The following TIAM2 variants were observed in gnomAD, a reference collection of about 807,000 sequenced individuals.
The protein encoded by TIAM2 is rho guanine nucleotide exchange factor TIAM2.
A neutral mutation model predicts 152.9 loss-of-function variants in TIAM2; 80 were observed. That is an observed-to-expected ratio of 0.52 (90% CI 0.44 to 0.63). TIAM2 has a LOEUF of 0.63. TIAM2 is among the 30% of genes least tolerant of loss of function. TIAM2 has a pLI of 0.00. For missense variants in TIAM2, 1,965 were observed against 2,120.1 expected, an observed-to-expected ratio of 0.93 and a Z score of 1.44; for synonymous variants, 804 against 838.0, an observed-to-expected ratio of 0.96 and a Z score of 0.70.
chr6:155,110,241 C>T (rs1778805167), intron 2 of TIAM2, among the ~76,000 whole-genome samples: 1 of 152,074 alleles, frequency 6.6e-6, no homozygotes, highest in Non-Finnish European at 1.5e-5. Flanking sequence ...GCATGAGCCA[C>T]CACGTCCAGC....
intron 1 of TIAM2, among the ~76,000 whole-genome samples, chr6:155,020,336 A>AT (rs1181301710): frequency 3.3e-5 from 5 of 152,144 alleles, no homozygotes; most frequent in African/African-American, 1.2e-4. Context: ...CTTCTGAAAG[A>AT]TTTTTTTCCC....
rs2115124194 is a variant in TIAM2, at chr6:155,174,457, G to C, written c.2362-2359G>C. 6.6e-6 allele frequency among the ~76,000 whole-genome samples: 1 copy of C among 151,816 alleles called. No homozygotes were observed. The highest frequency in any genetic ancestry group is 1.9e-4 in the East Asian group (1 of 5,138). The stretch of plus-strand genomic sequence containing the variant: ...ACGATCTTGGCTCACTGCAACCTCT[G>C]CCTCCCAGGTTCAAGCTGTTCTCCT... On this transcript the variant is annotated intron_variant, in intron 9 of 26. Transcript: ENST00000682666. This position sits in a 1 kb window ranked among gnomAD's most constrained non-coding sequence, Gnocchi z 4.2.
At chr6:155,227,564 G>A (rs377723234) in intron 15 of TIAM2, among the ~76,000 whole-genome samples, 24 of 152,296 alleles carry the variant, frequency 1.6e-4, no homozygotes, top group East Asian at 1.3e-3. Flanking sequence ...ATGGCACTGC[G>A]TGTAGAAGAA....
intron 2 of TIAM2, among the ~76,000 whole-genome samples, chr6:155,110,847 T>G (rs73794460): frequency 0.049 from 7,404 of 152,298 alleles, 601 homozygotes; most frequent in African/African-American, 0.17. Flanking sequence ...ACAGATAATG[T>G]CAGGATGAAG....
intron 13 of TIAM2, 77 bp from the exon 14 acceptor site, chr6:155,183,160 G>C (rs1583235231): frequency 2.0e-6 from 3 of 1,537,884 alleles, no homozygotes; most frequent in Non-Finnish European, 2.6e-6. Flanking sequence ...GTTTGAGTTT[G>C]CAGCCTTCTT....
At chr6:155,167,985 C>T (rs535325981) in intron 9 of TIAM2, among the ~76,000 whole-genome samples, 42 of 152,226 alleles carry the variant, frequency 2.8e-4, no homozygotes, top group Admixed American at 8.5e-4. Flanking sequence ...GTAATTTGTT[C>T]TCAACATAGA....
At chr6:155,229,436 A>G (rs886464944) in intron 15 of TIAM2, among the ~76,000 whole-genome samples, 12 of 152,330 alleles carry the variant, frequency 7.9e-5, no homozygotes, top group African/African-American at 2.9e-4. Context: ...GTATTTTTAC[A>G]CTGAATGCTC....
At chr6:155,012,796 C>A (rs1778511299) in intron 1 of TIAM2, among the ~76,000 whole-genome samples, 1 of 152,200 alleles carries the variant, frequency 6.6e-6, no homozygotes, top group Non-Finnish European at 1.5e-5. Flanking sequence ...AGTGATCCGC[C>A]CTACTCGGGC....
intron 7 of TIAM2, among the ~76,000 whole-genome samples, chr6:155,150,813 C>T (rs887692524): frequency 5.9e-5 from 9 of 152,028 alleles, no homozygotes; most frequent in Non-Finnish European, 1.0e-4. Flanking sequence ...TTCCGGGCCG[C>T]GTTTTATAAG....
intron 1 of TIAM2, among the ~76,000 whole-genome samples, chr6:155,060,572 C>A (rs369692362): frequency 6.6e-6 from 1 of 152,068 alleles, no homozygotes; most frequent in South Asian, 2.1e-4. Context: ...TATTATGTTG[C>A]TCCAGTTACT....
chr6:155,229,088 G>A (rs2115263099), intron 15 of TIAM2, among the ~76,000 whole-genome samples: 1 of 152,318 alleles, frequency 6.6e-6, no homozygotes, highest in East Asian at 1.9e-4. Context: ...GACTGGTGCT[G>A]CTCATTCCAG....
At chr6:155,102,767 T>TTGTGTGTGTGTGTGTG (rs56117781) in intron 2 of TIAM2, among the ~76,000 whole-genome samples, 1 of 145,652 alleles carries the variant, frequency 6.9e-6, no homozygotes, top group Admixed American at 6.9e-5. Flanking sequence ...GATTAATTTA[T>TTGTGTGTGTGTGTGTG]TGTGTGTGTG....
At chr6:155,243,566 G>C (rs1783159846) in intron 16 of TIAM2, among the ~76,000 whole-genome samples, 1 of 152,146 alleles carries the variant, frequency 6.6e-6, no homozygotes, top group Non-Finnish European at 1.5e-5. Context: ...TTCAACAAAG[G>C]CTGGGTGTGG....
intron 1 of TIAM2, among the ~76,000 whole-genome samples, chr6:155,019,650 C>G (rs1229642974): frequency 6.6e-6 from 1 of 152,152 alleles, no homozygotes; most frequent in African/African-American, 2.4e-5. Flanking sequence ...AGTTGGTTGG[C>G]CTGACTTCTT....
intron 1 of TIAM2, among the ~76,000 whole-genome samples, chr6:154,999,131 A>G (rs1450406284): frequency 6.6e-6 from 1 of 152,154 alleles, no homozygotes; most frequent in Admixed American, 6.5e-5. Flanking sequence ...CATAAAAAGT[A>G]TTGGTTAAAC....
At chr6:155,249,738 G>GCTCC in intron 20 of TIAM2, 113 bp from the exon 21 acceptor site, 1 of 779,204 alleles carries the variant, frequency 1.3e-6, no homozygotes, top group Non-Finnish European at 2.0e-6. Flanking sequence ...GCTCCTGCTA[G>GCTCC]TGGGTACTGG....
At chr6:155,013,233 C>CTT (rs1778517585) in intron 1 of TIAM2, among the ~76,000 whole-genome samples, 7 of 152,150 alleles carry the variant, frequency 4.6e-5, no homozygotes, top group Admixed American at 4.6e-4. Flanking sequence ...TGTGCTCCTG[C>CTT]AGGTGTGTGT....
At chr6:155,239,755 C>A (rs572436366) in intron 15 of TIAM2, among the ~76,000 whole-genome samples, 1 of 152,170 alleles carries the variant, frequency 6.6e-6, no homozygotes, top group Admixed American at 6.5e-5. Flanking sequence ...GGCCCTGGCT[C>A]CCTGCTAAGA....
At chr6:155,117,657 G>A (rs1460784328) in intron 2 of TIAM2, among the ~76,000 whole-genome samples, 1 of 152,160 alleles carries the variant, frequency 6.6e-6, no homozygotes, top group Non-Finnish European at 1.5e-5. Flanking sequence ...TGATCGGGCT[G>A]GTCTCGAACT....
Sources: allele counts gnomAD v4.1 joint callset (sites outside exome capture counted in the v4.1 genomes callset), GRCh38; gene constraint gnomAD v4.1.1; non-coding constraint Gnocchi (gnomAD v3.1); transcripts MANE v1.5; gene names NCBI Gene and HGNC (gene_info 2026-07-23, HGNC 2026-07-21).